The following PCDH15 variants were observed in gnomAD, a reference collection of about 807,000 sequenced individuals.
PCDH15 encodes protocadherin related 15.
Under a neutral mutation model 178.5 loss-of-function variants are expected in PCDH15, and 129 were observed. That is an observed-to-expected ratio of 0.72 (90% confidence interval 0.63 to 0.84). The LOEUF is 0.84. Ranked by LOEUF, PCDH15 falls within the 40% of genes least tolerant of loss-of-function variation. PCDH15 has a pLI of 0.00. For synonymous variants in PCDH15, 800 were observed against 732.0 expected (o/e 1.09, Z -1.50); for missense variants, 2,230 against 2,099.9 (o/e 1.06, Z -1.21).
chr10:55,367,078 C>A (rs1350100601), intron 2 of PCDH15, among the ~76,000 whole-genome samples: 1 of 151,964 alleles, frequency 6.6e-6, no homozygotes, highest in East Asian at 1.9e-4. Context: ...GAAGTGAGGT[C>A]TACATCATCT....
intron 3 of PCDH15, among the ~76,000 whole-genome samples, chr10:54,434,757 C>A (rs1368837987): frequency 6.6e-6 from 1 of 152,076 alleles, no homozygotes; most frequent in African/African-American, 2.4e-5. Context: ...CTCTCTAGAA[C>A]AAAATTGGAT....
At chr10:55,538,574 CTCCTTTCCTTCCTTCCTTCCTTCCT>C (rs1841657346) in intron 2 of PCDH15, among the ~76,000 whole-genome samples, 3 of 108,456 alleles carry the variant, frequency 2.8e-5, no homozygotes, top group Admixed American at 9.8e-5. Context: ...TCCTTCCTTC[CTCCTTTCCTTCCTTCCTTCCTTCCT>C]TCCTTTCCTT....
intron 18 of PCDH15, among the ~76,000 whole-genome samples, chr10:54,054,361 G>A (rs1238832751): frequency 6.6e-6 from 1 of 152,066 alleles, no homozygotes; most frequent in African/African-American, 2.4e-5. Context: ...AGAATTAGAT[G>A]TGCTTAAACA....
At chr10:55,050,424 A>G (rs951487055) in intron 2 of PCDH15, among the ~76,000 whole-genome samples, 1 of 152,058 alleles carries the variant, frequency 6.6e-6, no homozygotes, top group Non-Finnish European at 1.5e-5. Flanking sequence ...TTTAGGTAAA[A>G]GTGCATCAAA....
At chr10:54,537,880 T>G (rs1452136740) in intron 2 of PCDH15, among the ~76,000 whole-genome samples, 1 of 152,180 alleles carries the variant, frequency 6.6e-6, no homozygotes, top group Non-Finnish European at 1.5e-5. Context: ...ATGTTGAGCA[T>G]TTTTTCATGT....
At chr10:54,777,765 GA>G (rs1261303998) in intron 1 of PCDH15, among the ~76,000 whole-genome samples, 1 of 151,762 alleles carries the variant, frequency 6.6e-6, no homozygotes, top group Non-Finnish European at 1.5e-5. Context: ...TAATTGAAAA[GA>G]AAAAAATTGA....
intron 2 of PCDH15, among the ~76,000 whole-genome samples, chr10:55,334,042 C>G (rs1169918044): frequency 6.6e-6 from 1 of 151,020 alleles, no homozygotes; most frequent in East Asian, 1.9e-4. Flanking sequence ...TATTTTATTT[C>G]TAATAATTGT....
chr10:54,893,310 TG>T (rs1954494961), intron 3 of PCDH15, among the ~76,000 whole-genome samples: 1 of 152,172 alleles, frequency 6.6e-6, no homozygotes, highest in South Asian at 2.1e-4. Context: ...GCACTGAAAA[TG>T]AGAAATTTAA....
chr10:54,719,897 G>T (rs1941292723), intron 1 of PCDH15, among the ~76,000 whole-genome samples: 1 of 152,020 alleles, frequency 6.6e-6, no homozygotes, highest in Non-Finnish European at 1.5e-5. Context: ...TGGTGTGTAT[G>T]TACCATATTT....
At chr10:54,896,127 C>G (rs1484781360) in intron 3 of PCDH15, among the ~76,000 whole-genome samples, 1 of 152,094 alleles carries the variant, frequency 6.6e-6, no homozygotes, top group Non-Finnish European at 1.5e-5. Context: ...CCTTGTGATC[C>G]ACCCACCTTT....
At chr10:54,995,455 G>A (rs1293944168) in intron 2 of PCDH15, among the ~76,000 whole-genome samples, 1 of 150,046 alleles carries the variant, frequency 6.7e-6, no homozygotes. Context: ...TCATCATGAA[G>A]ATTTTAAAAA....
intron 15 of PCDH15, among the ~76,000 whole-genome samples, chr10:54,095,209 A>C (rs2094679945): frequency 6.6e-6 from 1 of 152,160 alleles, no homozygotes; most frequent in Non-Finnish European, 1.5e-5. Context: ...AAAGCTTTCA[A>C]TTCAGTACAG....
chr10:54,474,463 G>C (rs2078134738), intron 3 of PCDH15, among the ~76,000 whole-genome samples: 1 of 151,860 alleles, frequency 6.6e-6, no homozygotes, highest in Non-Finnish European at 1.5e-5. Flanking sequence ...TCACCTCTAT[G>C]AAAGTATTTA....
chr10:55,399,579 G>A (rs1042093861), intron 2 of PCDH15, among the ~76,000 whole-genome samples: 2 of 152,012 alleles, frequency 1.3e-5, no homozygotes, highest in African/African-American at 4.8e-5. Flanking sequence ...AGAGCAGCAG[G>A]AGTTTTTGAA....
chr10:54,421,671 CATATAT>C (rs369324916), intron 3 of PCDH15, among the ~76,000 whole-genome samples: 1,586 of 109,894 alleles, frequency 0.014, 78 homozygotes, highest in African/African-American at 0.05. Flanking sequence ...TGTATATATA[CATATAT>C]ATATATATAT....
chr10:53,982,244 C>T (rs1047826934), intron 21 of PCDH15, among the ~76,000 whole-genome samples: 5 of 152,244 alleles, frequency 3.3e-5, no homozygotes, highest in South Asian at 4.1e-4. Flanking sequence ...AGTTCAACCA[C>T]TGTGGAAGTC....
intron 1 of PCDH15, among the ~76,000 whole-genome samples, chr10:55,236,360 G>A (rs1231868361): frequency 2.0e-5 from 3 of 152,008 alleles, no homozygotes; most frequent in Non-Finnish European, 4.4e-5. Context: ...CTGGGATGTG[G>A]TTGAAGGTAA....
chr10:54,589,797 T>C (rs10740587), intron 2 of PCDH15, among the ~76,000 whole-genome samples: 143,438 of 152,186 alleles, frequency 0.94, 67,803 homozygotes, highest in Middle Eastern at 0.98. Flanking sequence ...GGGCTTTCAC[T>C]ATGTTAACCA....
intron 1 of PCDH15, among the ~76,000 whole-genome samples, chr10:55,314,728 G>A (rs1296632444): frequency 6.6e-6 from 1 of 152,076 alleles, no homozygotes; most frequent in Non-Finnish European, 1.5e-5. Context: ...CTTATCTTAA[G>A]TAGCTCAGTT....
Sources: gnomAD v4.1 joint callset for allele counts (sites outside exome capture counted in the v4.1 genomes callset) on GRCh38, gnomAD v4.1.1 for gene constraint, MANE v1.5 for transcripts, NCBI Gene and HGNC (gene_info 2026-07-23, HGNC 2026-07-21) for gene names.